Variants in AXIN1 observed in about 807,000 individuals in gnomAD.
The protein encoded by AXIN1 is axin 1.
AXIN1 carries 30 observed loss-of-function variants against 76.4 expected under a neutral mutation model. The ratio of observed to expected loss-of-function variants is 0.39; its 90% CI spans 0.29 to 0.53. The LOEUF (loss-of-function observed/expected upper bound fraction) is 0.53. Among genes scored for constraint, AXIN1 ranks in the 20% least tolerant of loss-of-function variants. AXIN1 has a pLI of 0.66. For synonymous variants in AXIN1, 545 were observed against 501.4 expected (o/e 1.09, Z -1.16); for missense variants, 1,140 against 1,198.8 (o/e 0.95, Z 0.72).
chr16:329,211 AG>A (rs1304682943), intron 2 of AXIN1, among the ~76,000 whole-genome samples: 1 of 139,012 alleles, frequency 7.2e-6, no homozygotes, highest in African/African-American at 2.7e-5. Flanking sequence ...CAGGAGGCAG[AG>A]GTTGCAGTGA....
At position 310,092 on chromosome 16, in the gene AXIN1, C is replaced by T. The variant is rs370794582; in HGVS notation, c.1020-23G>A. 125 of 1,591,998 alleles carry T rather than the reference C, an allele frequency of 7.9e-5. 1 individual carries two copies. The East Asian group carries it at 2.5e-3, about 32-fold the overall frequency. ...TCCCTGTCCAGGAGAAAGAGGCAGC[C>T]GTTAACTCAGAGAGGAGCAGGAGGG... On this transcript the variant is annotated intron_variant, in intron 3 of 10. Coordinates refer to ENST00000262320, the MANE Select transcript of AXIN1 (RefSeq NM_003502.4).
chr16:342,708 C>T (rs549336481), intron 2 of AXIN1, among the ~76,000 whole-genome samples: 1 of 152,356 alleles, frequency 6.6e-6, no homozygotes, highest in East Asian at 1.9e-4. Context: ...ACAGCGGGCC[C>T]ATCCGTCAGA....
chr16:332,832 C>T (rs1285841990), intron 2 of AXIN1, among the ~76,000 whole-genome samples: 1 of 151,986 alleles, frequency 6.6e-6, no homozygotes, highest in Non-Finnish European at 1.5e-5. Context: ...AATAAGATCT[C>T]AAATAAGTTC....
chr16:330,359 C>G (rs917279639), intron 2 of AXIN1, among the ~76,000 whole-genome samples: 1 of 152,146 alleles, frequency 6.6e-6, no homozygotes, highest in Non-Finnish European at 1.5e-5. Context: ...CCACTGTGCC[C>G]GCTACCAAAC....
At chr16:313,513 C>T (rs1415227217) in intron 3 of AXIN1, among the ~76,000 whole-genome samples, 1 of 152,176 alleles carries the variant, frequency 6.6e-6, no homozygotes, top group East Asian at 1.9e-4. Context: ...GGTGGTGGTC[C>T]GCGGGCTCCA....
At chr16:312,957 T>C (rs1443598733) in intron 3 of AXIN1, among the ~76,000 whole-genome samples, 1 of 152,200 alleles carries the variant, frequency 6.6e-6, no homozygotes, top group Non-Finnish European at 1.5e-5. Flanking sequence ...GAGGCTGAAG[T>C]GGGTGCAGTT....
rs367788267 is a variant in AXIN1, at chr16:297,143, G to A, written c.1868C>T (p.Ser623Leu). The A allele has an allele frequency of 2.5e-4, 407 of 1,612,436 alleles. No individual in the cohort carries two copies. Among genetic ancestry groups the A allele is most frequent in the South Asian group, 1.6e-3 (148 of 91,082 alleles). ...TTTCTGGTTCTTCTCCGCATCCTCCGAGGCACCTGGCACCTCGGTGCTGGC... is the reference window on the plus strand; with the variant it reads ...TTTCTGGTTCTTCTCCGCATCCTCCAAGGCACCTGGCACCTCGGTGCTGGC... The part of the protein sequence containing the change: ...KSASTEVPGA[S>L]EDAEKNQKIM... The change falls in exon 7 of 11, where the codon TCG becomes TTG. Residue 623 changes from serine to leucine, a missense_variant. Coordinates refer to ENST00000262320, the MANE Select transcript of AXIN1 (RefSeq NM_003502.4).
Position 349,402 on chromosome 16 carries a change from G to A in AXIN1, c.-81-2296C>T, listed in dbSNP as rs139646236. 1.1e-4 allele frequency among the ~76,000 whole-genome samples: 16 copies of A among 152,296 alleles called. No individual in the cohort carries two copies. In the East Asian group the frequency reaches 3.1e-3, roughly 29 times the overall value. On this transcript the variant is annotated intron_variant, in intron 1 of 10. Coordinates refer to ENST00000262320, the MANE Select transcript of AXIN1 (RefSeq NM_003502.4). The stretch of plus-strand genomic sequence containing the variant: ...GTGGGCACCTCCACACTAGCTCACG[G>A]TCATCTGTCTGGGACGCCATCACAG...
At chr16:327,442 C>T (rs1000308527) in intron 2 of AXIN1, among the ~76,000 whole-genome samples, 1 of 152,220 alleles carries the variant, frequency 6.6e-6, no homozygotes, top group Non-Finnish European at 1.5e-5. Context: ...GCCTAGGAGG[C>T]CTCGCTGTGG....
intron 7 of AXIN1, among the ~76,000 whole-genome samples, chr16:294,864 C>A (rs2052666501): frequency 6.6e-6 from 1 of 151,224 alleles, no homozygotes; most frequent in Non-Finnish European, 1.5e-5. Flanking sequence ...AGATCGAGAC[C>A]GTCCTGGCTA....
intron 4 of AXIN1, among the ~76,000 whole-genome samples, chr16:306,819 G>A (rs907224608): frequency 2.6e-5 from 4 of 152,236 alleles, no homozygotes; most frequent in Non-Finnish European, 2.9e-5. Flanking sequence ...GGTCTGTCCC[G>A]GAGCCAAGGA....
intron 2 of AXIN1, among the ~76,000 whole-genome samples, chr16:324,044 C>G (rs898648438): frequency 2.6e-5 from 4 of 152,132 alleles, no homozygotes; most frequent in Non-Finnish European, 4.4e-5. Flanking sequence ...CCGTAGCCCA[C>G]AGGAAACCCT....
chr16:341,067 C>T (rs1054176975), intron 2 of AXIN1, among the ~76,000 whole-genome samples: 4 of 152,268 alleles, frequency 2.6e-5, no homozygotes, highest in South Asian at 2.1e-4. Flanking sequence ...CGTTCCTCCA[C>T]GCAAATTCCA....
intron 4 of AXIN1, among the ~76,000 whole-genome samples, chr16:308,964 T>C (rs1164889526): frequency 6.6e-6 from 1 of 152,182 alleles, no homozygotes; most frequent in Non-Finnish European, 1.5e-5. Flanking sequence ...TGACCAAGAC[T>C]GTGTCAGTGC....
At chr16:294,027 G>A (rs781308460) in intron 7 of AXIN1, among the ~76,000 whole-genome samples, 9 of 152,112 alleles carry the variant, frequency 5.9e-5, no homozygotes, top group Admixed American at 1.3e-4. Context: ...TACAAAATTA[G>A]CTGGGCGCCT....
chr16:345,846 CTT>C (rs2054022599), intron 2 of AXIN1, among the ~76,000 whole-genome samples: 1 of 152,176 alleles, frequency 6.6e-6, no homozygotes, highest in East Asian at 1.9e-4. Flanking sequence ...AGGTGACAGA[CTT>C]TACTGCTGAA....
intron 8 of AXIN1, chr16:292,143 G>C (rs914257511): frequency 3.3e-5 from 5 of 152,412 alleles, no homozygotes; most frequent in Non-Finnish European, 7.3e-5. Flanking sequence ...GCCCCGGCAG[G>C]AGAGCCCACA....
Position 289,502 on chromosome 16 carries a change from C to T in AXIN1, c.2400G>A (p.Val800=), listed in dbSNP as rs2141467799. ...CGEPIPYRTL[V]RGRAVTLGQF... ...GGCCCAGGGTGACAGCGCGGCCCCT[C>T]ACCAGGGTGCGGTAGGGGATGGGTT... Residue 800 remains valine, a synonymous_variant, in exon 10 of 11, where the codon GTG becomes GTA. Coordinates refer to ENST00000262320, the MANE Select transcript of AXIN1 (RefSeq NM_003502.4). The T allele has an allele frequency of 1.2e-6, 2 of 1,612,986 alleles. No individual in the cohort carries two copies. The highest frequency in any genetic ancestry group is 1.7e-6 in the Non-Finnish European group (2 of 1,180,024).
At chr16:340,410 G>A (rs2053893314) in intron 2 of AXIN1, among the ~76,000 whole-genome samples, 1 of 152,266 alleles carries the variant, frequency 6.6e-6, no homozygotes, top group African/African-American at 2.4e-5. Flanking sequence ...GTCAACAGAA[G>A]GGGCCAGCGG....
Sources: gnomAD v4.1 joint callset for allele counts (sites outside exome capture counted in the v4.1 genomes callset) on GRCh38, gnomAD v4.1.1 for gene constraint, MANE v1.5 for transcripts, NCBI Gene and HGNC (gene_info 2026-07-23, HGNC 2026-07-21) for gene names.